FHIP1A: variants seen among roughly 807,000 people sequenced by gnomAD.
FHIP1A encodes the protein FHF complex subunit HOOK-interacting protein 1A.
A neutral mutation model predicts 88.6 loss-of-function variants in FHIP1A; 61 were observed. The ratio of observed to expected loss-of-function variants is 0.69; its 90% confidence interval spans 0.56 to 0.85. The LOEUF (loss-of-function observed/expected upper bound fraction) is 0.85, where lower values mean the gene tolerates loss of function less well. FHIP1A is among the 40% of genes least tolerant of loss of function. The pLI, the probability that FHIP1A is intolerant of heterozygous loss-of-function variation, is 0.00. For missense variants in FHIP1A, 1,154 were observed against 1,273.5 expected (o/e 0.91, Z 1.43); for synonymous variants, 478 against 496.0 (o/e 0.96, Z 0.48).
At chr4:151,641,090 G>A (rs981429669) in intron 9 of FHIP1A, among the ~76,000 whole-genome samples, 3 of 152,094 alleles carry the variant, frequency 2.0e-5, no homozygotes, top group Non-Finnish European at 2.9e-5. Flanking sequence ...GTTAGGAGAT[G>A]GGCTTGACTG....
rs1048697626 is a variant in FHIP1A, at chr4:151,663,311, G to C, written c.*557G>C. The C allele has an allele frequency of 6.6e-6, 1 of 152,212 alleles. No homozygotes were observed. Among genetic ancestry groups the C allele is most frequent in the African/African-American group, 2.4e-5 (1 of 41,436 alleles). The allele number at this position is 152,212 out of a possible 1,614,324, so 9.4% of individuals were successfully genotyped here. On this transcript the variant is annotated 3_prime_UTR_variant, in exon 14 of 14. Transcript: ENST00000435205. ...GGATTTTACTTCCAGGACGTGTGTCGTCCCCAGCGTGTGTTGCCTTATGGT... is the reference window on the plus strand; with the variant it reads ...GGATTTTACTTCCAGGACGTGTGTCCTCCCCAGCGTGTGTTGCCTTATGGT...
intron 7 of FHIP1A, among the ~76,000 whole-genome samples, chr4:151,624,335 C>T (rs1735863508): frequency 6.6e-6 from 1 of 152,184 alleles, no homozygotes. Flanking sequence ...AGCCACATGG[C>T]CTTGGGAGCA....
At chr4:151,637,059 T>A (rs1393553633) in intron 8 of FHIP1A, among the ~76,000 whole-genome samples, 1 of 152,078 alleles carries the variant, frequency 6.6e-6, no homozygotes, top group Non-Finnish European at 1.5e-5. Flanking sequence ...GACCACTCAG[T>A]GGGAGAAAGA....
intron 4 of FHIP1A, among the ~76,000 whole-genome samples, chr4:151,572,674 G>GT (rs1299206562): frequency 6.6e-6 from 1 of 152,128 alleles, no homozygotes; most frequent in Non-Finnish European, 1.5e-5. Context: ...ATAGTAACTT[G>GT]TTTTTTTCCA....
intron 7 of FHIP1A, among the ~76,000 whole-genome samples, chr4:151,624,648 A>G (rs1281552745): frequency 6.6e-6 from 1 of 152,180 alleles, no homozygotes; most frequent in African/African-American, 2.4e-5. Context: ...CGTTACTGAA[A>G]TCCTCATTGT....
At chr4:151,505,348 A>T (rs1580643817) in intron 3 of FHIP1A, among the ~76,000 whole-genome samples, 1 of 152,288 alleles carries the variant, frequency 6.6e-6, no homozygotes, top group African/African-American at 2.4e-5. Context: ...TCCTTACAAA[A>T]CTACATGAAA....
chr4:151,518,635 T>TTCTC (rs1731335867), intron 3 of FHIP1A, among the ~76,000 whole-genome samples: 1 of 81,456 alleles, frequency 1.2e-5, no homozygotes, highest in Non-Finnish European at 2.4e-5. Flanking sequence ...AACTATCCAT[T>TTCTC]TCCCTCCCTC....
At chr4:151,443,123 A>G (rs1728468856) in intron 1 of FHIP1A, among the ~76,000 whole-genome samples, 1 of 151,950 alleles carries the variant, frequency 6.6e-6, no homozygotes, top group African/African-American at 2.4e-5. Context: ...ATTGGTATAA[A>G]AATTAGTCAG....
chr4:151,552,141 A>G (rs1197389590), intron 3 of FHIP1A, among the ~76,000 whole-genome samples: 8 of 152,368 alleles, frequency 5.3e-5, no homozygotes, highest in Admixed American at 5.2e-4. Flanking sequence ...ATCTCACACC[A>G]GTTAGAATGG....
In FHIP1A at chr4:151,566,290, C is replaced by T. The variant is rs1211267871; in HGVS notation, c.31C>T (p.Leu11Phe). Residue 11 changes from leucine (L) to phenylalanine (F), a missense_variant, in exon 4 of 14, where the codon CTC becomes TTC. Coordinates refer to ENST00000435205, the MANE Select transcript of FHIP1A (RefSeq NM_001109977.3). ...GTCATCGGTTTCGACAGAAAGCAAA[C>T]TCCAGCAGGCTGTGAGCCTACAGGG... MMSSVSTESKLQQAVSLQGVD... is the reference protein window; with the variant it reads MMSSVSTESKFQQAVSLQGVD... 11 of 1,550,482 alleles carry T rather than the reference C, an allele frequency of 7.1e-6. No individual in the cohort carries two copies. The South Asian group carries it at 1.3e-4, about 18-fold the overall frequency.
chr4:151,472,237 T>G (rs773466796), intron 2 of FHIP1A, among the ~76,000 whole-genome samples: 8 of 152,182 alleles, frequency 5.3e-5, no homozygotes, highest in Non-Finnish European at 1.2e-4. Flanking sequence ...CAAAATAGCT[T>G]TGCCCTAATA....
At chr4:151,542,508 T>TTC (rs747148352) in intron 3 of FHIP1A, among the ~76,000 whole-genome samples, 4 of 152,038 alleles carry the variant, frequency 2.6e-5, no homozygotes, top group South Asian at 4.2e-4. Context: ...ACCTGCAGTA[T>TTC]TCTCTCTCTC....
intron 3 of FHIP1A, among the ~76,000 whole-genome samples, chr4:151,491,369 A>G (rs1310227652): frequency 6.6e-6 from 1 of 152,212 alleles, no homozygotes; most frequent in Non-Finnish European, 1.5e-5. Flanking sequence ...TCATCATCCA[A>G]GAATTTTGTA....
intron 1 of FHIP1A, among the ~76,000 whole-genome samples, chr4:151,441,323 CT>C (rs138231798): frequency 0.025 from 3,493 of 142,546 alleles, 84 homozygotes; most frequent in African/African-American, 0.068. Context: ...GTCCTTTCTA[CT>C]TTTTTTTTTT....
intron 1 of FHIP1A, among the ~76,000 whole-genome samples, chr4:151,417,907 G>A (rs867967599): frequency 1.3e-5 from 2 of 152,248 alleles, no homozygotes; most frequent in Middle Eastern, 3.4e-3. Context: ...AATGGCTCAT[G>A]CCTGTAATCC....
Position 151,666,388 on chromosome 4 carries a change from GGATGT to G in FHIP1A, c.*3635_*3639del, listed in dbSNP as rs1737667010. Among the ~76,000 whole-genome samples the G allele has an allele frequency of 6.6e-6, 1 of 152,264 alleles. No homozygotes were observed. The highest frequency in any genetic ancestry group is 1.9e-4 in the East Asian group (1 of 5,184). On this transcript the variant is annotated 3_prime_UTR_variant, in exon 14 of 14. Transcript: ENST00000435205. Reference sequence around the variant, plus strand: ...TGCTTTGATGTGCTCGGGTTGGAGTGGATGTCTGTCAGGTGTTAGGTAGGACGCAT... The same window carrying G: ...TGCTTTGATGTGCTCGGGTTGGAGTGCTGTCAGGTGTTAGGTAGGACGCAT...
Position 151,463,192 on chromosome 4 carries a change from T to C in FHIP1A, c.-248+8384T>C, listed in dbSNP as rs146637179. Among the ~76,000 whole-genome samples the C allele has an allele frequency of 5.4e-3, 822 of 152,338 alleles. 4 individuals carry two copies. Among genetic ancestry groups the C allele is most frequent in the Admixed American group, 8.8e-3 (134 of 15,284 alleles). On this transcript the variant is annotated intron_variant, in intron 2 of 13. Transcript: ENST00000435205. ...TGGGCACATTCTGGCTGTTTTGGTT[T>C]AGAAGAGATGGGTTTTGCTGAGTGA...
intron 1 of FHIP1A, among the ~76,000 whole-genome samples, chr4:151,418,653 A>G (rs1227295717): frequency 6.6e-6 from 1 of 152,196 alleles, no homozygotes; most frequent in Non-Finnish European, 1.5e-5. Context: ...TCTTGGGTAT[A>G]CAGATAATTC....
intron 3 of FHIP1A, among the ~76,000 whole-genome samples, chr4:151,557,765 GGTA>G (rs1733007071): frequency 6.6e-6 from 1 of 152,152 alleles, no homozygotes; most frequent in Admixed American, 6.5e-5. Context: ...AGTACAGCAT[GGTA>G]AGCCTAAATT....
Sources: allele counts gnomAD v4.1 joint callset (sites outside exome capture counted in the v4.1 genomes callset), GRCh38; gene constraint gnomAD v4.1.1; transcripts MANE v1.5; gene names NCBI Gene and HGNC (gene_info 2026-07-23, HGNC 2026-07-21).